The following RIMKLB variants were observed in gnomAD, a reference collection of about 807,000 sequenced individuals.
RIMKLB encodes the protein ribosomal modification protein rimK like family member B, also known as beta-citrylglutamate synthase B.
Under a neutral mutation model 32.0 loss-of-function variants are expected in RIMKLB, and 7 were observed. The ratio of observed to expected loss-of-function variants is 0.22; its 90% CI spans 0.12 to 0.41. RIMKLB has a LOEUF of 0.41. Ranked by LOEUF, RIMKLB falls within the 10% of genes least tolerant of loss-of-function variation. The pLI is 1.00. For synonymous variants in RIMKLB, 172 were observed against 185.1 expected, an observed-to-expected ratio of 0.93 and a Z score of 0.57; for missense variants, 289 against 498.7, an observed-to-expected ratio of 0.58 and a Z score of 4.00.
rs1182330978 is a variant in RIMKLB at position 8,775,657 on chromosome 12, TC to T, written c.*1878del. 1 of 985,638 alleles carries T rather than the reference TC, an allele frequency of 1.0e-6. No homozygotes were observed. Among genetic ancestry groups the T allele is most frequent in the Non-Finnish European group, 1.2e-6 (1 of 829,866 alleles). 61.1% of individuals were successfully genotyped at this position (985,638 alleles called of 1,614,324 possible). ...TGATCATGCTTACTTGTACAGTTTTTCCCCCGTTTTAAAAAGGAATGTAATA... is the reference window on the plus strand; with the variant it reads ...TGATCATGCTTACTTGTACAGTTTTTCCCCGTTTTAAAAAGGAATGTAATA... On this transcript the variant is annotated 3_prime_UTR_variant, in exon 6 of 6. Transcript: ENST00000535829.
At chr12:8,747,722 T>C (rs1948224381) in intron 2 of RIMKLB, among the ~76,000 whole-genome samples, 1 of 152,120 alleles carries the variant, frequency 6.6e-6, no homozygotes, top group Non-Finnish European at 1.5e-5. Context: ...GAAATAAAGC[T>C]ATATATACTC....
chr12:8,751,137 T>A (rs770673597), intron 3 of RIMKLB, among the ~76,000 whole-genome samples: 39 of 152,288 alleles, frequency 2.6e-4, no homozygotes, highest in Admixed American at 2.3e-3. Context: ...TTGGGGATAT[T>A]AATAGTTTAT....
At chr12:8,700,908 A>G (rs1943333545) in intron 1 of RIMKLB, among the ~76,000 whole-genome samples, 1 of 152,118 alleles carries the variant, frequency 6.6e-6, no homozygotes, top group South Asian at 2.1e-4. Flanking sequence ...TCTGTGAAAA[A>G]TATAAAAAGT....
chr12:8,698,166 C>T lies in RIMKLB; in HGVS notation c.-188C>T, dbSNP rs115701524. On this transcript the variant is annotated 5_prime_UTR_variant, in exon 1 of 6. Coordinates refer to ENST00000535829, the MANE Select transcript of RIMKLB (RefSeq NM_001297776.2). ...CGCAGTCGGCGGAGGAGAAAGGAGG[C>T]GGCTCCCGGTATCCCGACCCCCTCC... 1,462 of 327,338 alleles carry T rather than the reference C, an allele frequency of 4.5e-3. 34 individuals are homozygous for T. Among genetic ancestry groups the T allele is most frequent in the African/African-American group, 0.031 (1,349 of 43,532 alleles). 20.3% of individuals were successfully genotyped at this position (327,338 alleles called of 1,614,324 possible). A position where few individuals can be genotyped will look rare whatever the true frequency, so the allele number is the denominator to read the frequency against.
chr12:8,707,058 A>T (rs771566014), intron 1 of RIMKLB, among the ~76,000 whole-genome samples: 1 of 152,332 alleles, frequency 6.6e-6, no homozygotes, highest in African/African-American at 2.4e-5. Flanking sequence ...TGGAAAAACA[A>T]CATTCAATGT....
intron 5 of RIMKLB, among the ~76,000 whole-genome samples, chr12:8,768,769 T>C (rs1301769782): frequency 6.6e-6 from 1 of 152,212 alleles, no homozygotes; most frequent in Non-Finnish European, 1.5e-5. Flanking sequence ...GTTTTGGAAA[T>C]TTATCATTTG....
intron 2 of RIMKLB, among the ~76,000 whole-genome samples, chr12:8,725,077 C>G (rs1375114369): frequency 6.6e-6 from 1 of 152,124 alleles, no homozygotes; most frequent in African/African-American, 2.4e-5. Context: ...TGTGAGATGA[C>G]AAACACTGGA....
intron 2 of RIMKLB, among the ~76,000 whole-genome samples, chr12:8,747,655 A>G (rs1246026822): frequency 6.6e-6 from 1 of 152,230 alleles, no homozygotes; most frequent in African/African-American, 2.4e-5. Flanking sequence ...ATTAGTAAGG[A>G]ATTGATCATA....
intron 5 of RIMKLB, among the ~76,000 whole-genome samples, chr12:8,771,286 G>A (rs1332246854): frequency 2.6e-5 from 4 of 152,088 alleles, no homozygotes; most frequent in African/African-American, 9.7e-5. Flanking sequence ...TATGGGGCAG[G>A]ACCTCATCTG....
intron 2 of RIMKLB, 123 bp from the exon 3 acceptor site, chr12:8,749,739 C>G: frequency 1.6e-6 from 1 of 644,112 alleles, no homozygotes; most frequent in Non-Finnish European, 2.6e-6. Flanking sequence ...TATCTCTATC[C>G]CAATTTAATA....
chr12:8,756,110 C>T (rs1948999764), intron 5 of RIMKLB, among the ~76,000 whole-genome samples: 1 of 149,990 alleles, frequency 6.7e-6, no homozygotes, highest in Non-Finnish European at 1.5e-5. Flanking sequence ...GTCAAGATTG[C>T]ACCACTGCAC....
intron 1 of RIMKLB, among the ~76,000 whole-genome samples, chr12:8,691,670 GAATAGA>G (rs1386055706): frequency 6.6e-6 from 1 of 152,144 alleles, no homozygotes; most frequent in East Asian, 1.9e-4. Context: ...AATTTAGATT[GAATAGA>G]AATAAACTGA....
chr12:8,706,719 GCTGGGATTACCGGCATGAACCACCATGC>G lies in RIMKLB; in HGVS notation c.-56-7088_-56-7061del, dbSNP rs755224156. On this transcript the variant is annotated intron_variant, in intron 1 of 5. Coordinates refer to ENST00000535829, the MANE Select transcript of RIMKLB (RefSeq NM_001297776.2). ...CCCGCCCACCTCAGCCCTCCAAAGT[GCTGGGATTACCGGCATGAACCACCATGC>G]CTGTCCTTTTTTTGTTTTAAAAAAC... Among the ~76,000 whole-genome samples, 167 of 152,208 alleles carry G rather than the reference GCTGGGATTACCGGCATGAACCACCATGC, an allele frequency of 1.1e-3. 1 individual carries two copies. Among genetic ancestry groups the G allele is most frequent in the Admixed American group, 1.8e-3 (27 of 15,280 alleles).
chr12:8,675,022 C>T, the RIMKLB span, among the ~76,000 whole-genome samples: 1 of 151,806 alleles, frequency 6.6e-6, no homozygotes, highest in African/African-American at 2.4e-5. Flanking sequence ...TGCCACCACA[C>T]CCAGCTAATT....
chr12:8,693,217 T>C (rs1245988759), upstream of RIMKLB, among the ~76,000 whole-genome samples: 1 of 152,188 alleles, frequency 6.6e-6, no homozygotes, highest in African/African-American at 2.4e-5. Context: ...GATGTAGATA[T>C]ACTGTGTACT....
At chr12:8,677,625 A>G (rs1202526384), upstream of RIMKLB, among the ~76,000 whole-genome samples, 2 of 152,190 alleles carry the variant, frequency 1.3e-5, no homozygotes, top group African/African-American at 4.8e-5. Context: ...CTTAAAAACT[A>G]TAAAGACTCT....
chr12:8,717,432 CT>C (rs150157505), intron 2 of RIMKLB, among the ~76,000 whole-genome samples: 29 of 148,538 alleles, frequency 2.0e-4, no homozygotes, highest in Non-Finnish European at 1.5e-4. Context: ...TTTCCTTTTC[CT>C]TTTTTTTTTC....
At chr12:8,712,336 C>T (rs530198918) in intron 1 of RIMKLB, among the ~76,000 whole-genome samples, 346 of 152,134 alleles carry the variant, frequency 2.3e-3, no homozygotes, top group Middle Eastern at 6.8e-3. Flanking sequence ...CACTTGAACC[C>T]GGGAAGCGGA....
the RIMKLB span, among the ~76,000 whole-genome samples, chr12:8,673,754 C>T: frequency 6.6e-6 from 1 of 152,006 alleles, no homozygotes; most frequent in Admixed American, 6.6e-5. Flanking sequence ...TGCCACCATG[C>T]CTGGCTAATG....
Sources: allele counts gnomAD v4.1 joint callset (sites outside exome capture counted in the v4.1 genomes callset), GRCh38; gene constraint gnomAD v4.1.1; transcripts MANE v1.5; gene names NCBI Gene and HGNC (gene_info 2026-07-23, HGNC 2026-07-21).